MOCOS: variants seen among roughly 807,000 people sequenced by gnomAD.
MOCOS encodes human molybdenum cofactor sulfurase.
MOCOS carries 86 observed loss-of-function variants against 83.6 expected under a neutral mutation model. The ratio of observed to expected loss-of-function variants is 1.03; its 90% CI spans 0.86 to 1.23. The LOEUF is 1.23. Among genes scored for constraint, MOCOS ranks in the 50% most tolerant of loss-of-function variants. The pLI, the probability that MOCOS is intolerant of heterozygous loss-of-function variation, is 0.00. For missense variants in MOCOS, 1,120 were observed against 1,126.9 expected, an observed-to-expected ratio of 0.99 and a Z score of 0.09; for synonymous variants, 445 against 434.7, an observed-to-expected ratio of 1.02 and a Z score of -0.29.
At position 36,220,221 on chromosome 18, in the gene MOCOS, G is replaced by A; in HGVS notation, c.1960+4G>A. 1.9e-6 allele frequency: 3 copies of A among 1,614,030 alleles called. No homozygotes were observed. The highest frequency in any genetic ancestry group is 2.2e-5 in the South Asian group (2 of 91,068). ...ATCATGGTCATCAAAGCCAAAGGTG[G>A]GAAAACTGCTTCATTTTCACAGAGC... is the stretch of plus-strand genomic sequence containing the variant. On this transcript the variant is annotated splice_donor_region_variant and intron_variant, in intron 9 of 14. Coordinates refer to ENST00000261326, the MANE Select transcript of MOCOS (RefSeq NM_017947.4).
intron 9 of MOCOS, among the ~76,000 whole-genome samples, chr18:36,239,249 G>A (rs923821091): frequency 6.6e-6 from 1 of 151,976 alleles, no homozygotes; most frequent in Non-Finnish European, 1.5e-5. Flanking sequence ...TTACATTTTG[G>A]CATGATTTTG....
At chr18:36,193,858 A>G (rs2091376287) in intron 1 of MOCOS, among the ~76,000 whole-genome samples, 2 of 152,238 alleles carry the variant, frequency 1.3e-5, no homozygotes, top group Non-Finnish European at 2.9e-5. Flanking sequence ...TCATACCAGC[A>G]ATCATTTATA....
In MOCOS at chr18:36,250,026, A is replaced by C. The variant is rs573048490; in HGVS notation, c.2039+1026A>C. ...TCTAAGTCTTTTTATTGAATAAATC[A>C]AATGTCTGCATCCCTTGTTATCTAA... On this transcript the variant is annotated intron_variant, in intron 10 of 14. Coordinates refer to ENST00000261326, the MANE Select transcript of MOCOS (RefSeq NM_017947.4). 2.1e-4 allele frequency among the ~76,000 whole-genome samples: 32 copies of C among 152,274 alleles called. 1 individual carries two copies. In the South Asian group the frequency reaches 6.2e-3, roughly 30 times the overall value.
chr18:36,262,246 T>C (rs1465996734), intron 13 of MOCOS, among the ~76,000 whole-genome samples: 1 of 3,312 alleles, frequency 3.0e-4, no homozygotes, highest in Non-Finnish European at 6.8e-4. Flanking sequence ...ACTTCGTCTC[T>C]CTCTACACAC....
intron 6 of MOCOS, among the ~76,000 whole-genome samples, chr18:36,210,688 T>G (rs1321104232): frequency 6.6e-6 from 1 of 150,872 alleles, no homozygotes; most frequent in African/African-American, 2.4e-5. Flanking sequence ...CTGTCTCTAC[T>G]AAAAATACAA....
At chr18:36,198,961 A>C (rs1289760275) in intron 3 of MOCOS, among the ~76,000 whole-genome samples, 1 of 152,214 alleles carries the variant, frequency 6.6e-6, no homozygotes, top group Admixed American at 6.5e-5. Flanking sequence ...CAGATGAGAC[A>C]CACAGGTAGG....
At chr18:36,206,977 A>G (rs528973441) in intron 6 of MOCOS, among the ~76,000 whole-genome samples, 4 of 152,336 alleles carry the variant, frequency 2.6e-5, no homozygotes, top group South Asian at 4.1e-4. Context: ...AGGATGATTT[A>G]TATTCCTTTG....
intron 9 of MOCOS, among the ~76,000 whole-genome samples, chr18:36,248,281 T>TA (rs1016560639): frequency 1.1e-4 from 16 of 152,232 alleles, no homozygotes; most frequent in African/African-American, 3.9e-4. Flanking sequence ...TTTGCTCATT[T>TA]AAAAAAATTG....
chr18:36,256,048 G>A (rs1484019748), intron 11 of MOCOS, among the ~76,000 whole-genome samples: 1 of 151,576 alleles, frequency 6.6e-6, no homozygotes, highest in African/African-American at 2.4e-5. Flanking sequence ...AAGTGGCACT[G>A]CGCCCAGCTA....
chr18:36,198,688 A>G lies in MOCOS; in HGVS notation c.233-2A>G, dbSNP rs1306295616. ...GGTGGCCTTGTCTTTGTAACCTGCC[A>G]GGTAATCCTCACAGCCAGAACATCA... is the stretch of plus-strand genomic sequence containing the variant. On this transcript the variant is annotated splice_acceptor_variant, in intron 2 of 14. Transcript: ENST00000261326. LOFTEE classifies it high-confidence loss of function. The G allele has an allele frequency of 6.2e-7, 1 of 1,614,072 alleles. No homozygotes were observed. Among genetic ancestry groups the G allele is most frequent in the Non-Finnish European group, 8.5e-7 (1 of 1,180,022 alleles).
At chr18:36,244,465 G>T (rs1320262336) in intron 9 of MOCOS, among the ~76,000 whole-genome samples, 3 of 151,858 alleles carry the variant, frequency 2.0e-5, no homozygotes, top group Non-Finnish European at 4.4e-5. Flanking sequence ...TTCCAATTTT[G>T]TTCCACTGTG....
intron 1 of MOCOS, 132 bp downstream of exon 1, chr18:36,187,813 C>T (rs1203665119): frequency 4.9e-6 from 5 of 1,019,254 alleles, no homozygotes; most frequent in Non-Finnish European, 6.3e-6. Context: ...GGGACGTGTC[C>T]ACGCGTCCTC....
chr18:36,214,943 CTG>C (rs2091469891), intron 7 of MOCOS, among the ~76,000 whole-genome samples: 1 of 152,242 alleles, frequency 6.6e-6, no homozygotes, highest in Non-Finnish European at 1.5e-5. Context: ...GGCTCGGAGA[CTG>C]AGATTCTCCT....
At chr18:36,218,605 C>G (rs944712718) in intron 8 of MOCOS, among the ~76,000 whole-genome samples, 4 of 152,072 alleles carry the variant, frequency 2.6e-5, no homozygotes, top group African/African-American at 9.7e-5. Flanking sequence ...GTTTTGAACT[C>G]CTGGTCTCAA....
intron 11 of MOCOS, among the ~76,000 whole-genome samples, chr18:36,256,459 A>C (rs894202481): frequency 6.6e-6 from 1 of 151,466 alleles, no homozygotes. Context: ...TAATTTTCTA[A>C]ATTTTTTTGA....
chr18:36,237,719 C>A (rs1244536465), intron 9 of MOCOS, among the ~76,000 whole-genome samples: 5 of 151,982 alleles, frequency 3.3e-5, no homozygotes, highest in Admixed American at 3.3e-4. Flanking sequence ...ACCAGTTCCT[C>A]CTTGTACCTG....
rs774479721 is a variant in MOCOS at position 36,266,745 on chromosome 18, C to A, written c.2410-4C>A. On this transcript the variant is annotated splice_polypyrimidine_tract_variant and splice_region_variant and intron_variant, in intron 13 of 14. Transcript: ENST00000261326. ...AACGCTGTGTTTTCCTTCTCACCTGCCAGGTTTTGGGGCCTTGTCACAGAT... is the reference window on the plus strand; with the variant it reads ...AACGCTGTGTTTTCCTTCTCACCTGACAGGTTTTGGGGCCTTGTCACAGAT... The A allele has an allele frequency of 6.2e-7, 1 of 1,613,724 alleles. No individual in the cohort carries two copies. The highest frequency in any genetic ancestry group is 8.5e-7 in the Non-Finnish European group (1 of 1,179,786).
chr18:36,246,710 G>C (rs2091603479), intron 9 of MOCOS, among the ~76,000 whole-genome samples: 1 of 152,230 alleles, frequency 6.6e-6, no homozygotes, highest in Non-Finnish European at 1.5e-5. Flanking sequence ...GTTGCAGGTG[G>C]TGAAATTAGC....
chr18:36,268,487 T>TA (rs2091688609), intron 14 of MOCOS, 46 bp from the exon 15 acceptor site: 1 of 1,613,402 alleles, frequency 6.2e-7, no homozygotes, highest in Non-Finnish European at 8.5e-7. Flanking sequence ...TTTTAATTGC[T>TA]AAAATAATCT....
Sources: allele counts gnomAD v4.1 joint callset (sites outside exome capture counted in the v4.1 genomes callset), GRCh38; gene constraint gnomAD v4.1.1; transcripts MANE v1.5; gene names NCBI Gene and HGNC (gene_info 2026-07-23, HGNC 2026-07-21).